The following EXOC4 variants were observed in gnomAD, a reference collection of about 807,000 sequenced individuals.
The protein encoded by EXOC4 is SEC8-like 1.
EXOC4 carries 71 observed loss-of-function variants against 107.2 expected under a neutral mutation model. The ratio of observed to expected loss-of-function variants is 0.66; its 90% CI spans 0.55 to 0.81. The LOEUF is 0.81. Ranked by LOEUF, EXOC4 falls within the 30% of genes least tolerant of loss-of-function variation. The pLI, the probability that EXOC4 is intolerant of heterozygous loss-of-function variation, is 0.00. For missense variants in EXOC4, 1,108 were observed against 1,189.6 expected, an observed-to-expected ratio of 0.93 and a Z score of 1.01; for synonymous variants, 456 against 441.2, an observed-to-expected ratio of 1.03 and a Z score of -0.42.
At chr7:133,424,646 A>C (rs751166845) in intron 7 of EXOC4, among the ~76,000 whole-genome samples, 1 of 152,240 alleles carries the variant, frequency 6.6e-6, no homozygotes, top group Non-Finnish European at 1.5e-5. Flanking sequence ...AGCGTTACTC[A>C]TAAAAAGATA....
chr7:133,492,398 A>G (rs1182305688), intron 9 of EXOC4, among the ~76,000 whole-genome samples: 1 of 152,182 alleles, frequency 6.6e-6, no homozygotes, highest in Non-Finnish European at 1.5e-5. Context: ...AGTGTTAGAT[A>G]GGGGTAAAGA....
At chr7:133,762,133 G>A (rs1796045348) in intron 10 of EXOC4, among the ~76,000 whole-genome samples, 1 of 152,084 alleles carries the variant, frequency 6.6e-6, no homozygotes, top group Non-Finnish European at 1.5e-5. Context: ...CCAGAGATAT[G>A]TATTTTTTTC....
At chr7:134,094,882 C>T in the EXOC4 span, among the ~76,000 whole-genome samples, 1 of 151,960 alleles carries the variant, frequency 6.6e-6, no homozygotes, top group African/African-American at 2.4e-5. Context: ...AAGCTAAAAC[C>T]ATTTCTCTTG....
chr7:133,619,991 T>C (rs1231195498), intron 9 of EXOC4, among the ~76,000 whole-genome samples: 1 of 149,718 alleles, frequency 6.7e-6, no homozygotes, highest in Admixed American at 6.6e-5. Flanking sequence ...TTTCTGTGTG[T>C]GTGTGTGTGT....
chr7:133,895,127 C>A (rs1314394230), intron 11 of EXOC4: 1 of 122,380 alleles, frequency 8.2e-6, no homozygotes. Flanking sequence ...GATATAGTCT[C>A]GTGGTGCGCC....
chr7:133,396,677 A>T (rs1328989146), intron 7 of EXOC4, among the ~76,000 whole-genome samples: 11 of 152,126 alleles, frequency 7.2e-5, no homozygotes. Flanking sequence ...AGTTGGCCTA[A>T]TGTCCTCTGA....
intron 9 of EXOC4, among the ~76,000 whole-genome samples, chr7:133,622,059 T>C (rs186371862): frequency 1.3e-5 from 2 of 152,226 alleles, no homozygotes; most frequent in Admixed American, 1.3e-4. Context: ...ACTGCAACCT[T>C]GCACTCCTGG....
At chr7:133,262,810 A>C (rs1795183680) in intron 1 of EXOC4, among the ~76,000 whole-genome samples, 1 of 152,070 alleles carries the variant, frequency 6.6e-6, no homozygotes, top group Admixed American at 6.5e-5. Context: ...AGAAATGATA[A>C]ATGTTAGTGA....
At chr7:133,864,896 A>C (rs1406029510) in intron 11 of EXOC4, among the ~76,000 whole-genome samples, 1 of 152,088 alleles carries the variant, frequency 6.6e-6, no homozygotes, top group Non-Finnish European at 1.5e-5. Context: ...CACTTGATAA[A>C]TTTCATGGGA....
chr7:133,660,418 A>G (rs959465786), intron 10 of EXOC4, among the ~76,000 whole-genome samples: 1 of 152,196 alleles, frequency 6.6e-6, no homozygotes, highest in Non-Finnish European at 1.5e-5. Context: ...AAACAGAATA[A>G]GCAGGAGAAA....
chr7:133,925,970 C>T (rs1319506153), intron 13 of EXOC4, among the ~76,000 whole-genome samples: 1 of 144,034 alleles, frequency 6.9e-6, no homozygotes, highest in South Asian at 2.3e-4. Context: ...ACCCAGGAGG[C>T]GGAAGTTGCA....
intron 14 of EXOC4, among the ~76,000 whole-genome samples, chr7:133,939,829 C>G (rs1033238297): frequency 3.3e-5 from 5 of 152,158 alleles, no homozygotes; most frequent in Non-Finnish European, 7.4e-5. Context: ...CTTTATAATC[C>G]CATAATATCA....
chr7:133,931,796 G>A (rs1800182543), intron 13 of EXOC4, among the ~76,000 whole-genome samples: 1 of 152,186 alleles, frequency 6.6e-6, no homozygotes, highest in African/African-American at 2.4e-5. Flanking sequence ...CTCCATAAGG[G>A]TGATGTGTTT....
rs185081369 is a variant in EXOC4, at chr7:133,363,953, T to C, written c.1007+7380T>C. ...GATGATGTGTAGGGGTGGTGTCATATATGATTAAAGCACCTTCATGTGTCT... is the reference window on the plus strand; with the variant it reads ...GATGATGTGTAGGGGTGGTGTCATACATGATTAAAGCACCTTCATGTGTCT... On this transcript the variant is annotated intron_variant, in intron 6 of 17. Transcript: ENST00000253861. 1.5e-3 allele frequency among the ~76,000 whole-genome samples: 231 copies of C among 152,274 alleles called. 1 individual carries two copies. Among genetic ancestry groups the C allele is most frequent in the Non-Finnish European group, 1.2e-3 (83 of 68,014 alleles).
chr7:133,829,048 G>A (rs1797756655), intron 11 of EXOC4, among the ~76,000 whole-genome samples: 1 of 152,164 alleles, frequency 6.6e-6, no homozygotes, highest in African/African-American at 2.4e-5. Context: ...GCAAGAAGTG[G>A]GCCCTGAGTC....
chr7:133,583,896 A>T (rs1801335315), intron 9 of EXOC4, among the ~76,000 whole-genome samples: 2 of 152,278 alleles, frequency 1.3e-5, no homozygotes, highest in South Asian at 4.1e-4. Flanking sequence ...CAAGGCAAGG[A>T]GACAGGGTGT....
intron 10 of EXOC4, among the ~76,000 whole-genome samples, chr7:133,686,907 T>A (rs1404072015): frequency 6.6e-6 from 1 of 152,018 alleles, no homozygotes; most frequent in Non-Finnish European, 1.5e-5. Flanking sequence ...TACTTGCACA[T>A]GCATGTTTGT....
chr7:133,831,852 C>T (rs527295370), intron 11 of EXOC4, among the ~76,000 whole-genome samples: 16 of 152,198 alleles, frequency 1.1e-4, no homozygotes, highest in African/African-American at 2.4e-4. Flanking sequence ...TAACCATTTA[C>T]GTCTGTATTA....
intron 7 of EXOC4, among the ~76,000 whole-genome samples, chr7:133,384,531 T>A (rs1628880): frequency 0.85 from 128,956 of 152,054 alleles, 54,945 homozygotes; most frequent in East Asian, 0.95. Context: ...GTTGCTAGGA[T>A]CCAAGAGGCC....
Sources: gnomAD v4.1 joint callset for allele counts (sites outside exome capture counted in the v4.1 genomes callset) on GRCh38, gnomAD v4.1.1 for gene constraint, MANE v1.5 for transcripts, NCBI Gene and HGNC (gene_info 2026-07-23, HGNC 2026-07-21) for gene names.